Variants in PCDHGA1 observed in about 807,000 individuals in gnomAD.
PCDHGA1 encodes the protein protocadherin gamma-A1.
A neutral mutation model predicts 58.0 loss-of-function variants in PCDHGA1; 32 were observed. The observed-to-expected ratio is 0.55, with a 90% confidence interval of 0.42 to 0.74. The LOEUF is 0.74. PCDHGA1 is among the 30% of genes least tolerant of loss of function. PCDHGA1 has a pLI of 0.00. For missense variants in PCDHGA1, 1,205 were observed against 1,182.3 expected (o/e 1.02, Z -0.28); for synonymous variants, 498 against 501.1 (o/e 0.99, Z 0.08).
At chr5:141,446,221 T>C (rs2098493855) in intron 1 of PCDHGA1, among the ~76,000 whole-genome samples, 1 of 152,164 alleles carries the variant, frequency 6.6e-6, no homozygotes, top group African/African-American at 2.4e-5. Flanking sequence ...AATATTGTTG[T>C]GTTGCCTGGC....
At chr5:141,361,698 T>A (rs779293216) in intron 1 of PCDHGA1, 3 of 1,613,408 alleles carry the variant, frequency 1.9e-6, no homozygotes, top group South Asian at 2.2e-5. Context: ...GCGCCTTCGA[T>A]CATGAGCAGC....
At chr5:141,357,661 T>G (rs767998878) in intron 1 of PCDHGA1, 2 of 1,605,092 alleles carry the variant, frequency 1.2e-6, no homozygotes, top group South Asian at 2.2e-5. Context: ...CACTGAAATA[T>G]AGACAAAGAG....
At position 141,477,811 on chromosome 5, in the gene PCDHGA1, C is replaced by A. The variant is rs1211574518; in HGVS notation, c.2422-16996C>A. 1 of 1,614,046 alleles carries A rather than the reference C, an allele frequency of 6.2e-7. No individual in the cohort carries two copies. Among genetic ancestry groups the A allele is most frequent in the Non-Finnish European group, 8.5e-7 (1 of 1,180,034 alleles). On this transcript the variant is annotated intron_variant, in intron 1 of 3. Transcript: ENST00000517417. This position sits in a 1 kb window ranked among gnomAD's most constrained non-coding sequence, Gnocchi z 4.9. ...TCACTGATCGCAATGACAATGCCCC[C>A]CAGGTCCTATATCCTCGGCCAGGTG...
intron 1 of PCDHGA1, chr5:141,414,573 A>G: frequency 6.2e-7 from 1 of 1,613,920 alleles, no homozygotes; most frequent in African/African-American, 1.3e-5. Context: ...CCTATATCCC[A>G]GAGAACAACG....
chr5:141,340,138 T>C, intron 1 of PCDHGA1: 1 of 1,614,182 alleles, frequency 6.2e-7, no homozygotes. Context: ...TCCCCGAGGA[T>C]CTTCCTTTTA....
intron 1 of PCDHGA1, among the ~76,000 whole-genome samples, chr5:141,381,244 C>G (rs554184818): frequency 6.6e-6 from 1 of 152,242 alleles, no homozygotes; most frequent in South Asian, 2.1e-4. Context: ...TCTCCAGGAC[C>G]TAGAAGAATT....
At chr5:141,494,729 C>A in intron 1 of PCDHGA1, 78 bp from the exon 2 acceptor site, 1 of 1,610,166 alleles carries the variant, frequency 6.2e-7, no homozygotes. Context: ...CCTTCTCTCC[C>A]GGCCCATCCC....
At chr5:141,340,006 A>G in intron 1 of PCDHGA1, 1 of 1,614,216 alleles carries the variant, frequency 6.2e-7, no homozygotes, top group Non-Finnish European at 8.5e-7. Flanking sequence ...ACAATGCCCC[A>G]GAATTTTACA....
rs769137645 is a variant in PCDHGA1 at position 141,355,852 on chromosome 5, G to C, written c.2421+22747G>C. Reference sequence around the variant, plus strand: ...CCTCGTTCTCACGGCCTTCGATGGAGGTGACCCGGTTCGCTCTGGCACTGC... The same window carrying C: ...CCTCGTTCTCACGGCCTTCGATGGACGTGACCCGGTTCGCTCTGGCACTGC... On this transcript the variant is annotated intron_variant, in intron 1 of 3. Transcript: ENST00000517417. 15 of 1,612,306 alleles carry C rather than the reference G, an allele frequency of 9.3e-6. No individual in the cohort carries two copies. The East Asian group carries it at 3.1e-4, about 34-fold the overall frequency.
intron 1 of PCDHGA1, chr5:141,361,467 C>T (rs1431516547): frequency 1.2e-6 from 2 of 1,614,046 alleles, no homozygotes; most frequent in African/African-American, 1.3e-5. Flanking sequence ...ACATCTCCGA[C>T]GTCAACGATA....
At chr5:141,343,839 T>C (rs1302801559) in intron 1 of PCDHGA1, 3 of 508,398 alleles carry the variant, frequency 5.9e-6, no homozygotes, top group Admixed American at 7.5e-5. Flanking sequence ...ACCATTTCCT[T>C]GCTCCTAAAA....
At chr5:141,360,619 G>T in intron 1 of PCDHGA1, 1 of 1,614,012 alleles carries the variant, frequency 6.2e-7, no homozygotes, top group East Asian at 2.2e-5. Context: ...GGATTCAGAT[G>T]TTGGTCCTAA....
intron 1 of PCDHGA1, among the ~76,000 whole-genome samples, chr5:141,425,111 A>G (rs2096857405): frequency 6.6e-6 from 1 of 152,144 alleles, no homozygotes; most frequent in Admixed American, 6.5e-5. Context: ...AGATGCCTAC[A>G]TTTTTCTTGA....
chr5:141,419,368 C>T, intron 1 of PCDHGA1: 1 of 1,613,776 alleles, frequency 6.2e-7, no homozygotes, highest in Non-Finnish European at 8.5e-7. Context: ...CGCTGTCGTC[C>T]TACGTGTCCG....
chr5:141,473,254 T>C (rs1203765731), intron 1 of PCDHGA1, among the ~76,000 whole-genome samples: 5 of 152,152 alleles, frequency 3.3e-5, no homozygotes, highest in African/African-American at 4.8e-5. Context: ...ACATATATAG[T>C]CCTTAGTGTA....
At position 141,336,021 on chromosome 5, in the gene PCDHGA1, A is replaced by C. The variant is rs577848104; in HGVS notation, c.2421+2916A>C. Reference sequence around the variant, plus strand: ...CAAACAAAATTATTTAAAATACATGAATTTAGCTTGCCATTCAAGAAGTAA... The same window carrying C: ...CAAACAAAATTATTTAAAATACATGCATTTAGCTTGCCATTCAAGAAGTAA... On this transcript the variant is annotated intron_variant, in intron 1 of 3. Transcript: ENST00000517417. Among the ~76,000 whole-genome samples, 3 of 152,334 alleles carry C rather than the reference A, an allele frequency of 2.0e-5. No individual in the cohort carries two copies. In the East Asian group the frequency reaches 5.8e-4, roughly 29 times the overall value.
At chr5:141,469,552 C>T (rs956606902) in intron 1 of PCDHGA1, among the ~76,000 whole-genome samples, 3 of 151,910 alleles carry the variant, frequency 2.0e-5, no homozygotes, top group Non-Finnish European at 4.4e-5. Flanking sequence ...TCCAGCCTGG[C>T]GACAGAGTGA....
chr5:141,398,369 G>A (rs889057054), intron 1 of PCDHGA1: 2 of 1,428,778 alleles, frequency 1.4e-6, no homozygotes, highest in African/African-American at 2.9e-5. Context: ...AGCGCAGAGA[G>A]CGGGGAGTTG....
At chr5:141,385,552 T>C in intron 1 of PCDHGA1, 2 of 1,315,868 alleles carry the variant, frequency 1.5e-6, no homozygotes, top group Non-Finnish European at 9.7e-7. Flanking sequence ...ACTATCACAT[T>C]TTATAATTTC....
Sources: allele counts gnomAD v4.1 joint callset (sites outside exome capture counted in the v4.1 genomes callset), GRCh38; gene constraint gnomAD v4.1.1; non-coding constraint Gnocchi (gnomAD v3.1); transcripts MANE v1.5; gene names NCBI Gene and HGNC (gene_info 2026-07-23, HGNC 2026-07-21).